The following DMXL2 variants were observed in gnomAD, a reference collection of about 807,000 sequenced individuals.
The protein encoded by DMXL2 is dmX-like protein 2.
DMXL2 carries 103 observed loss-of-function variants against 331.1 expected under a neutral mutation model. The observed-to-expected ratio is 0.31, with a 90% CI of 0.27 to 0.37. The LOEUF is 0.37. Among genes scored for constraint, DMXL2 ranks in the 10% least tolerant of loss-of-function variants. The pLI, the probability that DMXL2 is intolerant of heterozygous loss-of-function variation, is 1.00. For missense variants in DMXL2, 3,171 were observed against 3,642.9 expected, an observed-to-expected ratio of 0.87 and a Z score of 3.33; for synonymous variants, 1,281 against 1,252.1, an observed-to-expected ratio of 1.02 and a Z score of -0.49.
At chr15:51,616,876 G>C (rs1345825396) in intron 1 of DMXL2, among the ~76,000 whole-genome samples, 1 of 144,044 alleles carries the variant, frequency 6.9e-6, no homozygotes, top group Non-Finnish European at 1.5e-5. Flanking sequence ...GATGGAGGTT[G>C]TGGTGAGCAG....
At chr15:51,579,426 A>T (rs1171425371) in intron 1 of DMXL2, among the ~76,000 whole-genome samples, 1 of 152,154 alleles carries the variant, frequency 6.6e-6, no homozygotes, top group Non-Finnish European at 1.5e-5. Context: ...GCATTCTGTA[A>T]TTGAGGGCCC....
At chr15:51,459,910 A>G (rs2039972757) in intron 33 of DMXL2, 2 of 1,127,990 alleles carry the variant, frequency 1.8e-6, no homozygotes, top group Non-Finnish European at 2.2e-6. Flanking sequence ...AATAAAAATT[A>G]GTTATCTGTA....
intron 19 of DMXL2, among the ~76,000 whole-genome samples, chr15:51,494,081 T>C (rs1595999489): frequency 6.6e-6 from 1 of 152,100 alleles, no homozygotes; most frequent in East Asian, 1.9e-4. Flanking sequence ...AAAACTAGCA[T>C]GAGGAAATAA....
chr15:51,471,284 GGTCT>G lies in DMXL2; in HGVS notation c.7327_7330del (p.Arg2443HisfsTer70). 6.2e-7 allele frequency: 1 copy of G among 1,613,972 alleles called. No homozygotes were observed. The highest frequency in any genetic ancestry group is 8.5e-7 in the Non-Finnish European group (1 of 1,179,916). On this transcript the variant is annotated frameshift_variant, in exon 29 of 44. Transcript: ENST00000560891. LOFTEE classifies it high-confidence loss of function. ...AGGAATAAATTTTTCTTTGTAAGAT[GGTCT>G]TTCTGCAGGCACCGGTGGTGGGGTA...
chr15:51,605,974 T>C (rs905060525), intron 1 of DMXL2, among the ~76,000 whole-genome samples: 2 of 152,234 alleles, frequency 1.3e-5, no homozygotes, highest in Non-Finnish European at 2.9e-5. Flanking sequence ...CAGCACTGAA[T>C]GCCAATTTGT....
intron 1 of DMXL2, among the ~76,000 whole-genome samples, chr15:51,608,547 G>A (rs1328822463): frequency 6.6e-6 from 1 of 152,148 alleles, no homozygotes; most frequent in Non-Finnish European, 1.5e-5. Flanking sequence ...GCTAAACACT[G>A]AGTACACATG....
In DMXL2 at chr15:51,486,224, C is replaced by T. The variant is rs1434316377; in HGVS notation, c.5331G>A (p.Leu1777=). Residue 1777 remains leucine, a synonymous_variant, in exon 23 of 44, where the codon TTG becomes TTA. Coordinates refer to ENST00000560891, the MANE Select transcript of DMXL2 (RefSeq NM_001378457.1). ...TYISILNQKI[L]GCQKDGSGFS... ...ATCCTGAGCCATCCTTTTGGCAACC[C>T]AAAATCTTCTGATTTAGGATGGATA... 6.2e-7 allele frequency: 1 copy of T among 1,613,978 alleles called. No homozygotes were observed. Among genetic ancestry groups the T allele is most frequent in the Non-Finnish European group, 8.5e-7 (1 of 1,179,928 alleles).
intron 1 of DMXL2, among the ~76,000 whole-genome samples, chr15:51,615,539 C>T (rs184579434): frequency 6.6e-6 from 1 of 152,222 alleles, no homozygotes; most frequent in African/African-American, 2.4e-5. Context: ...CAATTCCCCA[C>T]CTCCAGTCAC....
intron 40 of DMXL2, among the ~76,000 whole-genome samples, chr15:51,454,499 G>C (rs1180904913): frequency 6.6e-6 from 1 of 152,124 alleles, no homozygotes; most frequent in Non-Finnish European, 1.5e-5. Context: ...TTTGGAACCT[G>C]ATTCTTTTTT....
At chr15:51,475,705 G>T (rs2041522093) in intron 27 of DMXL2, among the ~76,000 whole-genome samples, 1 of 152,174 alleles carries the variant, frequency 6.6e-6, no homozygotes, top group Non-Finnish European at 1.5e-5. Flanking sequence ...AAGCACATTA[G>T]TGGGACAACT....
intron 8 of DMXL2, 136 bp downstream of exon 8, chr15:51,545,447 A>G (rs551543399): frequency 1.5e-6 from 1 of 661,394 alleles, no homozygotes; most frequent in East Asian, 2.7e-5. Flanking sequence ...TAGTCTTACA[A>G]GCATAAATGA....
Position 51,487,993 on chromosome 15 carries a change from A to G in DMXL2, c.5178T>C (p.Ala1726=). The G allele has an allele frequency of 1.9e-6, 3 of 1,612,294 alleles. No individual in the cohort carries two copies. The highest frequency in any genetic ancestry group is 2.5e-6 in the Non-Finnish European group (3 of 1,179,376). ...TCAATGAACCAGCTAGCAAGAAAAA[A>G]GCAGCCGATTGTTCAAAGCGTTGTT... is the stretch of plus-strand genomic sequence containing the variant. The part of the protein sequence containing the change: ...LGKQRFEQSA[A]FFLLAGSLKD... Residue 1726 remains alanine (A), a synonymous_variant, in exon 22 of 44, where the codon GCT becomes GCC. Transcript: ENST00000560891.
At chr15:51,546,672 A>G (rs2048908549) in intron 7 of DMXL2, among the ~76,000 whole-genome samples, 1 of 152,112 alleles carries the variant, frequency 6.6e-6, no homozygotes, top group Non-Finnish European at 1.5e-5. Flanking sequence ...TGCCACAATG[A>G]TGAGGAAAAA....
chr15:51,455,033 G>C (rs1316765654), intron 40 of DMXL2, 118 bp downstream of exon 40: 15 of 797,990 alleles, frequency 1.9e-5, no homozygotes, highest in South Asian at 1.7e-4. Flanking sequence ...GGCTGGGATT[G>C]CTGAAAAAAA....
chr15:51,562,389 T>C (rs1188107916), intron 6 of DMXL2, among the ~76,000 whole-genome samples: 1 of 152,134 alleles, frequency 6.6e-6, no homozygotes, highest in Non-Finnish European at 1.5e-5. Flanking sequence ...TTCAGGAACC[T>C]ATTGGGGGAT....
intron 13 of DMXL2, among the ~76,000 whole-genome samples, chr15:51,534,384 C>T (rs2048169204): frequency 6.6e-6 from 1 of 152,116 alleles, no homozygotes; most frequent in South Asian, 2.1e-4. Context: ...TCTTGAGGTA[C>T]TCTCATACGC....
intron 17 of DMXL2, 55 bp downstream of exon 17, chr15:51,502,751 G>T: frequency 2.6e-6 from 3 of 1,157,690 alleles, no homozygotes; most frequent in Non-Finnish European, 3.9e-6. Context: ...CCACTAAAGA[G>T]TTCATATATT....
intron 15 of DMXL2, among the ~76,000 whole-genome samples, chr15:51,508,835 G>A (rs1463619196): frequency 6.6e-6 from 1 of 152,082 alleles, no homozygotes; most frequent in Non-Finnish European, 1.5e-5. Flanking sequence ...CTTTACAGAT[G>A]CTTTCCAGCT....
rs751948286 is a variant in DMXL2 at position 51,448,944 on chromosome 15, C to T, written c.*40G>A. On this transcript the variant is annotated 3_prime_UTR_variant, in exon 44 of 44. Coordinates refer to ENST00000560891, the MANE Select transcript of DMXL2 (RefSeq NM_001378457.1). The stretch of plus-strand genomic sequence containing the variant: ...ATTGCCTAGTGATGACTGTAGTGTG[C>T]CTTTTAACTGAAATGTATATAAAAA... The T allele has an allele frequency of 7.6e-6, 12 of 1,583,448 alleles. No homozygotes were observed. Among genetic ancestry groups the T allele is most frequent in the Non-Finnish European group, 1.0e-5 (12 of 1,157,692 alleles).
Sources: gnomAD v4.1 joint callset for allele counts (sites outside exome capture counted in the v4.1 genomes callset) on GRCh38, gnomAD v4.1.1 for gene constraint, MANE v1.5 for transcripts, NCBI Gene and HGNC (gene_info 2026-07-23, HGNC 2026-07-21) for gene names.